MGST1: variants seen among roughly 807,000 people sequenced by gnomAD.
MGST1 encodes microsomal glutathione S-transferase 1, also known as glutathione S-transferase 12.
MGST1 carries 5 observed loss-of-function variants against 8.9 expected under a neutral mutation model. That is an observed-to-expected ratio of 0.56 (90% CI 0.29 to 1.19). The LOEUF (loss-of-function observed/expected upper bound fraction) is 1.19. Among genes scored for constraint, MGST1 ranks in the 50% most tolerant of loss-of-function variants. The probability of loss-of-function intolerance (pLI) is 0.08; values close to 1 mark genes in which losing one functional copy is unlikely to be tolerated. For synonymous variants in MGST1, 54 were observed against 67.8 expected, an observed-to-expected ratio of 0.80 and a Z score of 1.00; for missense variants, 182 against 187.4, an observed-to-expected ratio of 0.97 and a Z score of 0.17.
At chr12:16,473,736 C>T (rs1941302776) in intron 4 of MGST1, among the ~76,000 whole-genome samples, 1 of 152,032 alleles carries the variant, frequency 6.6e-6, no homozygotes, top group South Asian at 2.1e-4. Flanking sequence ...TCATCACTGG[C>T]CGTGTGCGAC....
chr12:16,352,565 G>A (rs777970561), intron 1 of MGST1, among the ~76,000 whole-genome samples: 11 of 152,162 alleles, frequency 7.2e-5, no homozygotes, highest in Non-Finnish European at 1.2e-4. Context: ...AAGAATAATG[G>A]CAGAGGACTG....
chr12:16,452,470 T>C (rs988451901), intron 4 of MGST1, among the ~76,000 whole-genome samples: 1 of 151,702 alleles, frequency 6.6e-6, no homozygotes, highest in African/African-American at 2.4e-5. Flanking sequence ...AAATTTTCCA[T>C]TGCTGATAAG....
At chr12:16,462,262 C>T (rs1203452905) in intron 4 of MGST1, among the ~76,000 whole-genome samples, 1 of 152,080 alleles carries the variant, frequency 6.6e-6, no homozygotes, top group Admixed American at 6.6e-5. Context: ...TTTAAACTTC[C>T]AACCAACCTT....
In MGST1 at chr12:16,560,304, C is replaced by T. The variant is rs570981354; in HGVS notation, n.483-29224C>T. 47 of 1,241,116 alleles carry T rather than the reference C, an allele frequency of 3.8e-5. No individual in the cohort carries two copies. Among genetic ancestry groups the T allele is most frequent in the South Asian group, 2.7e-4 (16 of 59,400 alleles). The allele number at this position is 1,241,116 out of a possible 1,614,324, so 76.9% of individuals were successfully genotyped here. ...GATTAAAGTTTACAGAACAGAAAAA[C>T]GCTGAGATTGATTGCTTTAAATGTA... On this transcript the variant is annotated intron_variant and non_coding_transcript_variant, in intron 4 of 4. Coordinates refer to the MGST1 transcript ENST00000538857. The surrounding 1 kb of genome is among the most constrained non-coding windows in gnomAD (Gnocchi z 5.0).
At chr12:16,523,439 G>T (rs1366401305) in intron 4 of MGST1, among the ~76,000 whole-genome samples, 1 of 151,792 alleles carries the variant, frequency 6.6e-6, no homozygotes, top group Non-Finnish European at 1.5e-5. Flanking sequence ...GTCACCCAAG[G>T]CCTCACTCTC....
chr12:16,347,494 A>G (rs1939253125), upstream of MGST1, among the ~76,000 whole-genome samples: 1 of 152,146 alleles, frequency 6.6e-6, no homozygotes, highest in African/African-American at 2.4e-5. The surrounding 1 kb of genome is among the most constrained non-coding windows in gnomAD (Gnocchi z 4.0). Context: ...CTCAAAGGGA[A>G]TCAGCAGGCG....
chr12:16,569,796 G>C (rs1286543023), intron 4 of MGST1, among the ~76,000 whole-genome samples: 1 of 152,028 alleles, frequency 6.6e-6, no homozygotes, highest in Non-Finnish European at 1.5e-5. Flanking sequence ...GAAAGAACTA[G>C]AGTATTAAAA....
intron 4 of MGST1, among the ~76,000 whole-genome samples, chr12:16,575,401 T>C (rs1204312778): frequency 6.6e-6 from 1 of 152,202 alleles, no homozygotes; most frequent in African/African-American, 2.4e-5. Flanking sequence ...AGTCCAAAGA[T>C]TTCCCTTTGC....
chr12:16,523,170 C>T (rs1941659578), intron 4 of MGST1, among the ~76,000 whole-genome samples: 1 of 151,950 alleles, frequency 6.6e-6, no homozygotes, highest in Non-Finnish European at 1.5e-5. Flanking sequence ...TAGAACCATC[C>T]TATTTTATAC....
chr12:16,376,772 A>G (rs1940386938), exon 4 of MGST1: 1 of 152,124 alleles, frequency 6.6e-6, no homozygotes, highest in African/African-American at 2.4e-5. Context: ...AGTATGTAAA[A>G]AAGAGCCTGT....
intron 1 of MGST1, among the ~76,000 whole-genome samples, chr12:16,421,811 A>G (rs1447087816): frequency 6.6e-6 from 1 of 152,194 alleles, no homozygotes. Flanking sequence ...CGTACTTGGA[A>G]TATATGTCCA....
rs546498644 is a variant in MGST1 at position 16,585,069 on chromosome 12, A to T, written n.483-4459A>T. On this transcript the variant is annotated intron_variant and non_coding_transcript_variant, in intron 4 of 4. Coordinates refer to the MGST1 transcript ENST00000538857. This position sits in a 1 kb window ranked among gnomAD's most constrained non-coding sequence, Gnocchi z 4.7. ...TCTAGAAAAAATATCTGGTTTATCC[A>T]GAAAAATCAGCAACATTAGGCCCAC... 6.6e-6 allele frequency among the ~76,000 whole-genome samples: 1 copy of T among 152,338 alleles called. No homozygotes were observed. Among genetic ancestry groups the T allele is most frequent in the East Asian group, 1.9e-4 (1 of 5,186 alleles).
At chr12:16,384,579 T>G (rs1940487478) in intron 1 of MGST1, among the ~76,000 whole-genome samples, 1 of 152,254 alleles carries the variant, frequency 6.6e-6, no homozygotes, top group South Asian at 2.1e-4. Flanking sequence ...TGATTTCAGG[T>G]TTCTGACCTC....
Position 16,577,429 on chromosome 12 carries a change from T to C in MGST1, n.483-12099T>C, listed in dbSNP as rs149795263. On this transcript the variant is annotated intron_variant and non_coding_transcript_variant, in intron 4 of 4. Transcript: ENST00000538857. ...GTTATTCTTCATTATTTTCATCATATAGGTTGTCATCTTATTGCATTTATT... is the reference window on the plus strand; with the variant it reads ...GTTATTCTTCATTATTTTCATCATACAGGTTGTCATCTTATTGCATTTATT... Among the ~76,000 whole-genome samples the C allele has an allele frequency of 2.6e-5, 4 of 152,304 alleles. No homozygotes were observed. In the East Asian group the frequency reaches 7.7e-4, roughly 29 times the overall value.
chr12:16,542,071 G>A (rs1827537836), intron 4 of MGST1, among the ~76,000 whole-genome samples: 1 of 152,054 alleles, frequency 6.6e-6, no homozygotes. Context: ...TTAGATGGTT[G>A]GTCCACCTCT....
chr12:16,391,735 C>T (rs1591715522), intron 1 of MGST1, among the ~76,000 whole-genome samples: 1 of 152,156 alleles, frequency 6.6e-6, no homozygotes, highest in South Asian at 2.1e-4. Context: ...TGTGCAGAAG[C>T]TCTTAAGTTT....
intron 4 of MGST1, among the ~76,000 whole-genome samples, chr12:16,474,377 C>T (rs1179144832): frequency 6.6e-6 from 1 of 152,154 alleles, no homozygotes; most frequent in Non-Finnish European, 1.5e-5. Flanking sequence ...AAAACATTGT[C>T]AATTCTGATA....
intron 4 of MGST1, among the ~76,000 whole-genome samples, chr12:16,471,486 A>G (rs535803218): frequency 2.0e-5 from 3 of 152,338 alleles, no homozygotes; most frequent in South Asian, 2.1e-4. Context: ...TGGTATTTCT[A>G]TAGAGGAAAT....
intron 4 of MGST1, among the ~76,000 whole-genome samples, chr12:16,446,817 T>C (rs1207117374): frequency 6.6e-6 from 1 of 151,896 alleles, no homozygotes; most frequent in Non-Finnish European, 1.5e-5. Context: ...TGTACACTCC[T>C]GATGGCCTTC....
Sources: gnomAD v4.1 joint callset for allele counts (sites outside exome capture counted in the v4.1 genomes callset) on GRCh38, gnomAD v4.1.1 for gene constraint, Gnocchi (gnomAD v3.1) non-coding constraint, MANE v1.5 for transcripts, NCBI Gene and HGNC (gene_info 2026-07-23, HGNC 2026-07-21) for gene names.